Variants in USH2A observed in about 807,000 individuals in gnomAD.
USH2A encodes usherin, also known as Usher syndrome 2A (autosomal recessive, mild).
USH2A carries 443 observed loss-of-function variants against 538.9 expected under a neutral mutation model. The ratio of observed to expected loss-of-function variants is 0.82; its 90% CI spans 0.76 to 0.89. The LOEUF is 0.89. USH2A is among the 40% of genes least tolerant of loss of function. USH2A has a pLI of 0.00. For synonymous variants in USH2A, 2,413 were observed against 2,273.5 expected (o/e 1.06, Z -1.75); for missense variants, 6,633 against 6,324.8 (o/e 1.05, Z -1.65).
At chr1:216,174,211 C>T in intron 21 of USH2A, 1 of 985,184 alleles carries the variant, frequency 1.0e-6, no homozygotes, top group Non-Finnish European at 1.2e-6. Context: ...ATTGTCTTCA[C>T]ATATGCAATA....
rs184083792 is a variant in USH2A, at chr1:216,256,272, T to C, written c.1972-5174A>G. 2.3e-3 allele frequency among the ~76,000 whole-genome samples: 347 copies of C among 151,800 alleles called. 1 individual carries two copies. The highest frequency in any genetic ancestry group is 3.8e-3 in the Non-Finnish European group (257 of 67,844). On this transcript the variant is annotated intron_variant, in intron 11 of 71. Coordinates refer to ENST00000307340, the MANE Select transcript of USH2A (RefSeq NM_206933.4). ...ATTGATATGATTATGTTTAAATCTA[T>C]TATCTTGATATTTCCTATTTGTCCC... is the stretch of plus-strand genomic sequence containing the variant.
intron 27 of USH2A, among the ~76,000 whole-genome samples, chr1:216,077,481 T>C (rs1446910599): frequency 1.3e-5 from 2 of 151,522 alleles, no homozygotes; most frequent in Non-Finnish European, 2.9e-5. Context: ...TTACTAGTTA[T>C]GCATACCAAC....
chr1:216,343,919 ATTG>A (rs1186109091), intron 4 of USH2A, among the ~76,000 whole-genome samples: 2 of 151,968 alleles, frequency 1.3e-5, no homozygotes, highest in African/African-American at 2.4e-5. Context: ...TTTTATTATC[ATTG>A]TTAAGATTTT....
intron 48 of USH2A, among the ~76,000 whole-genome samples, chr1:215,815,017 A>G (rs1286557433): frequency 6.6e-6 from 1 of 152,140 alleles, no homozygotes; most frequent in East Asian, 1.9e-4. Context: ...GATTTAGCCA[A>G]AAAGCTTTTA....
At chr1:215,928,533 T>C (rs866895759) in intron 38 of USH2A, among the ~76,000 whole-genome samples, 1 of 152,256 alleles carries the variant, frequency 6.6e-6, no homozygotes, top group East Asian at 1.9e-4. Flanking sequence ...TTATGGAAGA[T>C]TGACAAATTA....
At chr1:215,830,106 T>C (rs12097312) in intron 47 of USH2A, among the ~76,000 whole-genome samples, 1 of 152,020 alleles carries the variant, frequency 6.6e-6, no homozygotes, top group Non-Finnish European at 1.5e-5. Context: ...AGTTTCCCAT[T>C]TTTTTTCCCC....
At chr1:216,211,840 C>T (rs1381370654) in intron 15 of USH2A, among the ~76,000 whole-genome samples, 1 of 151,676 alleles carries the variant, frequency 6.6e-6, no homozygotes, top group Non-Finnish European at 1.5e-5. Flanking sequence ...GCATTTGACC[C>T]TTTCAGTGGA....
intron 70 of USH2A, chr1:215,630,107 A>G (rs563401086): frequency 1.7e-4 from 89 of 517,070 alleles, no homozygotes; most frequent in African/African-American, 1.7e-3. Flanking sequence ...TATGGAAGTC[A>G]TCAATGATCT....
intron 49 of USH2A, among the ~76,000 whole-genome samples, chr1:215,800,259 G>A (rs578144351): frequency 3.5e-4 from 53 of 152,004 alleles, no homozygotes; most frequent in South Asian, 1.3e-3. Context: ...CGTGGCCTTC[G>A]GAACCCTGAC....
intron 52 of USH2A, among the ~76,000 whole-genome samples, chr1:215,783,354 A>G (rs1216142200): frequency 1.3e-5 from 2 of 152,194 alleles, no homozygotes; most frequent in Non-Finnish European, 2.9e-5. Flanking sequence ...TGTTAATATT[A>G]CTTAAAAAAT....
At chr1:216,232,731 C>T (rs1228385463) in intron 13 of USH2A, among the ~76,000 whole-genome samples, 1 of 152,310 alleles carries the variant, frequency 6.6e-6, no homozygotes, top group Non-Finnish European at 1.5e-5. Flanking sequence ...TTTAAACCTT[C>T]CACTCTTCAT....
chr1:215,998,225 TAAAA>T (rs923625567), intron 34 of USH2A, among the ~76,000 whole-genome samples: 1 of 152,098 alleles, frequency 6.6e-6, no homozygotes, highest in Non-Finnish European at 1.5e-5. Flanking sequence ...CTATTAAACT[TAAAA>T]AAGATTATAT....
At chr1:216,421,630 A>G (rs1046213520) in intron 2 of USH2A, among the ~76,000 whole-genome samples, 2 of 152,196 alleles carry the variant, frequency 1.3e-5, no homozygotes, top group African/African-American at 4.8e-5. Context: ...TCCTGCATAA[A>G]CACATTTGCC....
intron 21 of USH2A, among the ~76,000 whole-genome samples, chr1:216,102,085 T>G (rs1297011857): frequency 2.6e-5 from 4 of 152,092 alleles, no homozygotes; most frequent in East Asian, 3.8e-4. Context: ...TAACAACTTT[T>G]GGCTATCAAA....
intron 50 of USH2A, among the ~76,000 whole-genome samples, chr1:215,793,178 T>C (rs1042049173): frequency 1.3e-5 from 2 of 152,194 alleles, no homozygotes; most frequent in African/African-American, 4.8e-5. Context: ...ATCTGTTGGA[T>C]GAATTTCTAA....
intron 21 of USH2A, among the ~76,000 whole-genome samples, chr1:216,129,882 A>C (rs529348685): frequency 1.3e-5 from 2 of 152,162 alleles, no homozygotes; most frequent in Non-Finnish European, 2.9e-5. Context: ...AGAACAGAAT[A>C]AAGAACCCAG....
rs115632704 is a variant in USH2A at position 216,119,003 on chromosome 1, G to A, written c.4628-21790C>T. Among the ~76,000 whole-genome samples the A allele has an allele frequency of 2.5e-3, 383 of 152,312 alleles. 1 individual carries two copies. The highest frequency in any genetic ancestry group is 4.3e-3 in the Non-Finnish European group (295 of 68,018). Reference sequence around the variant, plus strand: ...TGCCGCAAGTGTGCACAGCTTCTGAGAAACAAAGGACTGGCTACATTCTAG... The same window carrying A: ...TGCCGCAAGTGTGCACAGCTTCTGAAAAACAAAGGACTGGCTACATTCTAG... On this transcript the variant is annotated intron_variant, in intron 21 of 71. Transcript: ENST00000307340.
intron 21 of USH2A, among the ~76,000 whole-genome samples, chr1:216,131,331 A>G (rs1234087017): frequency 6.6e-6 from 1 of 151,824 alleles, no homozygotes; most frequent in Non-Finnish European, 1.5e-5. Context: ...CCATCTATTT[A>G]TCTTTGTTTT....
At chr1:215,898,541 G>T (rs1376444441) in intron 40 of USH2A, among the ~76,000 whole-genome samples, 3 of 152,086 alleles carry the variant, frequency 2.0e-5, no homozygotes, top group East Asian at 1.9e-4. Context: ...CGCTGAGGAA[G>T]TTTGAGTGTT....
Sources: gnomAD v4.1 joint callset for allele counts (sites outside exome capture counted in the v4.1 genomes callset) on GRCh38, gnomAD v4.1.1 for gene constraint, MANE v1.5 for transcripts, NCBI Gene and HGNC (gene_info 2026-07-23, HGNC 2026-07-21) for gene names.